The following MTMR1 variants were observed in gnomAD, a reference collection of about 807,000 sequenced individuals.
MTMR1 encodes myotubularin related protein 1, also known as phosphatidylinositol-3-phosphate phosphatase MTMR1.
MTMR1 carries 17 observed loss-of-function variants against 51.6 expected under a neutral mutation model. The observed-to-expected ratio is 0.33, with a 90% CI of 0.23 to 0.49. MTMR1 has a LOEUF of 0.49. Among genes scored for constraint, MTMR1 ranks in the 20% least tolerant of loss-of-function variants. The pLI is 0.99. For missense variants in MTMR1, 386 were observed against 526.9 expected, an observed-to-expected ratio of 0.73 and a Z score of 2.62; for synonymous variants, 201 against 205.6, an observed-to-expected ratio of 0.98 and a Z score of 0.19.
chrX:150,730,253 G>T, intron 7 of MTMR1, 43 bp downstream of exon 7: 2 of 927,689 alleles, frequency 2.2e-6, no homozygotes, highest in Non-Finnish European at 3.0e-6. Flanking sequence ...CATTTGTGGG[G>T]GTCCAAATAT....
intron 5 of MTMR1, 97 bp from the exon 6 acceptor site, chrX:150,727,587 C>T (rs1424314946): frequency 2.2e-5 from 14 of 647,330 alleles, no homozygotes; most frequent in Non-Finnish European, 3.4e-5. Context: ...AGAGGAAATG[C>T]GAAGTAAACA....
intron 2 of MTMR1, among the ~76,000 whole-genome samples, chrX:150,706,166 C>T (rs2041094512): frequency 1.8e-5 from 2 of 111,334 alleles, no homozygotes; most frequent in African/African-American, 3.3e-5. Context: ...AGCTCAGATC[C>T]GTCTTCCTAT....
intron 12 of MTMR1, among the ~76,000 whole-genome samples, chrX:150,739,128 G>T (rs2042357049): frequency 1.8e-5 from 2 of 112,229 alleles, no homozygotes; most frequent in Admixed American, 9.4e-5. Flanking sequence ...CACTCCTGGG[G>T]TGGAGCGCCT....
intron 2 of MTMR1, among the ~76,000 whole-genome samples, chrX:150,704,281 A>G (rs1557416013): frequency 9.0e-6 from 1 of 111,496 alleles, no homozygotes; most frequent in East Asian, 2.8e-4. Flanking sequence ...CCAGAGGACC[A>G]GGAAAGGGGC....
intron 15 of MTMR1, among the ~76,000 whole-genome samples, chrX:150,761,708 G>A (rs1384533046): frequency 1.8e-5 from 2 of 112,117 alleles, no homozygotes; most frequent in African/African-American, 6.5e-5. Context: ...CAGCCCAGTC[G>A]GTGACCCCTC....
intron 10 of MTMR1, among the ~76,000 whole-genome samples, chrX:150,735,005 G>A (rs1221134086): frequency 8.9e-6 from 1 of 112,071 alleles, no homozygotes; most frequent in Non-Finnish European, 1.9e-5. Context: ...CCTAGTGTCC[G>A]TATAAGAAAG....
At position 150,708,823 on chromosome X, in the gene MTMR1, G is replaced by A. The variant is rs186135073; in HGVS notation, c.253-3519G>A. Among the ~76,000 whole-genome samples the A allele has an allele frequency of 3.6e-3, 404 of 111,462 alleles. 2 individuals carry two copies. Among genetic ancestry groups the A allele is most frequent in the African/African-American group, 0.012 (366 of 30,699 alleles). ...AACAATCTGCAAGGGAGGTGCTCTC[G>A]ACATCTCCCATTTAGAGAAGAGGAG... On this transcript the variant is annotated intron_variant, in intron 2 of 15. Coordinates refer to ENST00000445323, the MANE Select transcript of MTMR1 (RefSeq NM_001306144.3).
intron 6 of MTMR1, 121 bp from the exon 7 acceptor site, chrX:150,729,988 G>A: frequency 2.6e-6 from 1 of 380,259 alleles, no homozygotes; most frequent in Non-Finnish European, 4.4e-6. Flanking sequence ...CGTTGGAGCA[G>A]GATAAAGTAT....
chrX:150,728,706 C>CA (rs1290737872), intron 6 of MTMR1, among the ~76,000 whole-genome samples: 3 of 110,316 alleles, frequency 2.7e-5, no homozygotes, highest in Non-Finnish European at 5.7e-5. Context: ...TAATGTTTAC[C>CA]AAAAACCCTA....
In MTMR1 at chrX:150,764,423, T is replaced by TATC. The variant is rs1212799778; in HGVS notation, c.*1695_*1697dup. The stretch of plus-strand genomic sequence containing the variant: ...AACAATAGCTTTTATGTTCCTAACA[T>TATC]ATCTGAAAGCTTATTTATGAATGGA... On this transcript the variant is annotated 3_prime_UTR_variant, in exon 16 of 16. Coordinates refer to ENST00000445323, the MANE Select transcript of MTMR1 (RefSeq NM_001306144.3). The TATC allele has an allele frequency of 1.8e-5, 2 of 112,541 alleles. No individual in the cohort carries two copies. The highest frequency in any genetic ancestry group is 3.2e-5 in the African/African-American group (1 of 30,923). The allele number at this position is 112,541 out of a possible 1,213,427, so 9.3% of individuals were successfully genotyped here.
At chrX:150,734,361 A>G (rs1336991006) in intron 10 of MTMR1, among the ~76,000 whole-genome samples, 1 of 112,975 alleles carries the variant, frequency 8.9e-6, no homozygotes. Context: ...TCTTCAAATA[A>G]GGTCACATTC....
upstream of MTMR1, chrX:150,693,091 T>C (rs1000101547): frequency 8.9e-6 from 1 of 112,549 alleles, no homozygotes; most frequent in African/African-American, 3.2e-5. Flanking sequence ...TTTTTGATAC[T>C]TGAATGTCTT....
Position 150,756,317 on chromosome X carries a change from C to G in MTMR1, c.1857+452C>G, listed in dbSNP as rs144157506. The stretch of plus-strand genomic sequence containing the variant: ...GGTGCTTGAATCACAGAACAGGTGC[C>G]CCTTTGAAGAAGGGGGAGAGTTTGC... On this transcript the variant is annotated intron_variant, in intron 15 of 15. Transcript: ENST00000445323. Among the ~76,000 whole-genome samples, 173 of 111,689 alleles carry G rather than the reference C, an allele frequency of 1.5e-3. 1 individual carries two copies. The highest frequency in any genetic ancestry group is 2.9e-3 in the Non-Finnish European group (152 of 53,071).
rs2042249248 is a variant in MTMR1 at position 150,735,759 on chromosome X, A to T, written c.1081-836A>T. On this transcript the variant is annotated intron_variant, in intron 10 of 15. Coordinates refer to ENST00000445323, the MANE Select transcript of MTMR1 (RefSeq NM_001306144.3). ...GAATGGCTAAATCAAGCTAATTAAC[A>T]CACCATTTTTTGTGGTGAGAACACT... 8 of 295,311 alleles carry T rather than the reference A, an allele frequency of 2.7e-5. No individual in the cohort carries two copies. In the South Asian group the frequency reaches 9.7e-4, roughly 36 times the overall value. 24.3% of individuals were successfully genotyped at this position (295,311 alleles called of 1,213,427 possible).
chrX:150,713,608 G>A (rs1250945455), intron 3 of MTMR1, among the ~76,000 whole-genome samples: 2 of 111,331 alleles, frequency 1.8e-5, no homozygotes, highest in African/African-American at 6.5e-5. Context: ...TTTAGCCTCG[G>A]AGACTTGATA....
intron 1 of MTMR1, among the ~76,000 whole-genome samples, chrX:150,697,936 AT>A (rs1286642746): frequency 9.0e-6 from 1 of 111,207 alleles, no homozygotes; most frequent in Non-Finnish European, 1.9e-5. Context: ...CTGTGCCTCG[AT>A]TTTCTCTCCT....
At chrX:150,751,500 C>A (rs1472409011) in intron 14 of MTMR1, among the ~76,000 whole-genome samples, 1 of 111,365 alleles carries the variant, frequency 9.0e-6, no homozygotes, top group Non-Finnish European at 1.9e-5. Flanking sequence ...CCGCCTCCCC[C>A]TCTCTCAGCA....
chrX:150,757,850 C>A (rs951180499), intron 15 of MTMR1, among the ~76,000 whole-genome samples: 2 of 111,417 alleles, frequency 1.8e-5, no homozygotes, highest in African/African-American at 6.5e-5. Context: ...ACCTAGTGCT[C>A]TGGCGGCCCT....
chrX:150,698,725 C>CACACACAA (rs1342602428), intron 1 of MTMR1, among the ~76,000 whole-genome samples: 1 of 105,581 alleles, frequency 9.5e-6, no homozygotes, highest in Admixed American at 1.0e-4. Context: ...CACACACACA[C>CACACACAA]AAAAGCCGGG....
Sources: gnomAD v4.1 joint callset for allele counts (sites outside exome capture counted in the v4.1 genomes callset) on GRCh38, gnomAD v4.1.1 for gene constraint, MANE v1.5 for transcripts, NCBI Gene and HGNC (gene_info 2026-07-23, HGNC 2026-07-21) for gene names.